Variants in LRSAM1 observed in about 807,000 individuals in gnomAD.
The protein encoded by LRSAM1 is leucine rich repeat and sterile alpha motif containing 1.
A neutral mutation model predicts 118.1 loss-of-function variants in LRSAM1; 96 were observed. The observed-to-expected ratio is 0.81, with a 90% CI of 0.69 to 0.96. The LOEUF is 0.96. Ranked by LOEUF, LRSAM1 falls within the 40% of genes least tolerant of loss-of-function variation. The probability of loss-of-function intolerance (pLI) is 0.00; values close to 1 mark genes in which losing one functional copy is unlikely to be tolerated. For missense variants in LRSAM1, 804 were observed against 915.5 expected, an observed-to-expected ratio of 0.88 and a Z score of 1.57; for synonymous variants, 322 against 364.2, an observed-to-expected ratio of 0.88 and a Z score of 1.32.
intron 9 of LRSAM1, among the ~76,000 whole-genome samples, chr9:127,464,631 G>A (rs1588103645): frequency 6.6e-6 from 1 of 151,602 alleles, no homozygotes; most frequent in East Asian, 1.9e-4. Flanking sequence ...CATCTAGTAT[G>A]AGTTCTGGAC....
intron 18 of LRSAM1, among the ~76,000 whole-genome samples, chr9:127,488,434 G>T (rs1384536828): frequency 6.6e-6 from 1 of 151,938 alleles, no homozygotes; most frequent in South Asian, 2.1e-4. Flanking sequence ...ACTAATTTTT[G>T]TATTTTTAGT....
rs1834322534 is a variant in LRSAM1 at position 127,451,554 on chromosome 9, C to A, written c.-304C>A. The A allele has an allele frequency of 3.5e-6, 2 of 575,358 alleles. No individual in the cohort carries two copies. Among genetic ancestry groups the A allele is most frequent in the Admixed American group, 3.0e-5 (1 of 33,504 alleles). 35.6% of individuals were successfully genotyped at this position (575,358 alleles called of 1,614,324 possible). On this transcript the variant is annotated 5_prime_UTR_variant, in exon 1 of 26. Transcript: ENST00000300417. ...GGCTGACGGCTGGCAAGCAGGGCAC[C>A]GCGGTGCGCTGAAGCTAGAGATTCC...
chr9:127,500,720 T>C (rs1005298364), intron 24 of LRSAM1, among the ~76,000 whole-genome samples: 1 of 152,166 alleles, frequency 6.6e-6, no homozygotes, highest in African/African-American at 2.4e-5. Context: ...ACTTGCAGGG[T>C]GGCTATGAAG....
chr9:127,492,655 C>G, intron 20 of LRSAM1, 147 bp from the exon 21 acceptor site: 1 of 729,246 alleles, frequency 1.4e-6, no homozygotes, highest in Non-Finnish European at 2.4e-6. Context: ...GGCAGAAGGG[C>G]CTCTTAGCTT....
intron 25 of LRSAM1, among the ~76,000 whole-genome samples, chr9:127,502,143 CA>C (rs1402898665): frequency 6.6e-6 from 1 of 152,266 alleles, no homozygotes; most frequent in Non-Finnish European, 1.5e-5. Flanking sequence ...TGCCCTCCGG[CA>C]GGGGCCGGCG....
At chr9:127,492,083 CT>C (rs1835954152) in intron 20 of LRSAM1, among the ~76,000 whole-genome samples, 1 of 152,218 alleles carries the variant, frequency 6.6e-6, no homozygotes, top group Non-Finnish European at 1.5e-5. Flanking sequence ...GGTCTGGGAT[CT>C]GGATCCCTGG....
intron 21 of LRSAM1, among the ~76,000 whole-genome samples, chr9:127,494,438 C>T (rs145344907): frequency 6.6e-6 from 1 of 152,354 alleles, no homozygotes; most frequent in Non-Finnish European, 1.5e-5. Flanking sequence ...TGAACCTCAG[C>T]TCCCTCACCT....
chr9:127,495,498 C>A, intron 22 of LRSAM1, 80 bp downstream of exon 22: 1 of 1,168,452 alleles, frequency 8.6e-7, no homozygotes, highest in Non-Finnish European at 1.3e-6. Flanking sequence ...CTCCACCATG[C>A]TCTGCCTCTT....
intron 21 of LRSAM1, among the ~76,000 whole-genome samples, chr9:127,494,334 A>G (rs140008639): frequency 6.6e-6 from 1 of 152,336 alleles, no homozygotes; most frequent in Non-Finnish European, 1.5e-5. Flanking sequence ...GCCAGCCCTC[A>G]CTGAACAGCT....
At position 127,462,322 on chromosome 9, in the gene LRSAM1, A is replaced by T. The variant is rs765061936; in HGVS notation, c.477A>T (p.Gly159=). 5.0e-6 allele frequency: 8 copies of T among 1,613,968 alleles called. No individual in the cohort carries two copies. The African/African-American group carries it at 9.3e-5, about 19-fold the overall frequency. The change falls in exon 9 of 26, where the codon GGA becomes GGT. Residue 159 remains glycine (G), a synonymous_variant. Coordinates refer to ENST00000300417, the MANE Select transcript of LRSAM1 (RefSeq NM_001005373.4). ...GCCTGCGTACCCTCAACATCAGTGG[A>T]AACGAGATCCAGAGATTGCCGCAGA... ...LRSLRTLNIS[G]NEIQRLPQML... is the part of the protein sequence containing the mutation.
chr9:127,467,780 G>A lies in LRSAM1; in HGVS notation c.569G>A (p.Arg190Gln), dbSNP rs142782210. 1.3e-4 allele frequency: 202 copies of A among 1,610,580 alleles called. 2 individuals are homozygous for A. The highest frequency in any genetic ancestry group is 1.1e-4 in the African/African-American group (8 of 74,938). The stretch of plus-strand genomic sequence containing the variant: ...GCCTCGGCCATGGTCTACCCGCCGC[G>A]GGAGGTGTGTGGTGCCGGCACTGCG... Reference protein sequence around the residue: ...LDASAMVYPPREVCGAGTAAI... With the variant: ...LDASAMVYPPQEVCGAGTAAI... The change falls in exon 10 of 26, where the codon CGG becomes CAG. Residue 190 changes from arginine to glutamine, a missense_variant. Transcript: ENST00000300417.
rs1376353239 is a variant in LRSAM1 at position 127,491,188 on chromosome 9, A to G, written c.1423-27A>G. On this transcript the variant is annotated intron_variant, in intron 19 of 25. Coordinates refer to ENST00000300417, the MANE Select transcript of LRSAM1 (RefSeq NM_001005373.4). ...TGAACTGTGGTTAATGTGAGTAAAA[A>G]AAAACCCTGTCTCGTCTTCTGTTTA... 4 of 1,602,526 alleles carry G rather than the reference A, an allele frequency of 2.5e-6. No homozygotes were observed. In the African/African-American group the frequency reaches 5.4e-5, roughly 21 times the overall value.
intron 20 of LRSAM1, 21 bp from the exon 21 acceptor site, chr9:127,492,781 G>A (rs200195985): frequency 1.6e-5 from 26 of 1,610,882 alleles, no homozygotes; most frequent in Middle Eastern, 1.7e-4. Flanking sequence ...ACGGTGGTGC[G>A]GGGTGTGGTC....
chr9:127,502,522 T>G (rs1437313767), intron 25 of LRSAM1, among the ~76,000 whole-genome samples: 2 of 151,596 alleles, frequency 1.3e-5, no homozygotes, highest in African/African-American at 2.4e-5. Context: ...CCATCTCTAC[T>G]AAAAATACAA....
At chr9:127,460,031 C>T (rs1424511439) in intron 7 of LRSAM1, among the ~76,000 whole-genome samples, 2 of 151,966 alleles carry the variant, frequency 1.3e-5, no homozygotes, top group East Asian at 1.9e-4. Flanking sequence ...GATAGAGTCT[C>T]GCTCTATCAC....
intron 11 of LRSAM1, among the ~76,000 whole-genome samples, chr9:127,475,278 G>A (rs746932979): frequency 3.9e-5 from 6 of 152,030 alleles, no homozygotes; most frequent in Non-Finnish European, 7.4e-5. Flanking sequence ...ATCACTTGAG[G>A]CCAGGAGTTT....
At position 127,501,033 on chromosome 9, in the gene LRSAM1, G is replaced by T. The variant is rs748358043; in HGVS notation, c.1936G>T (p.Val646Phe). The change falls in exon 25 of 26, where the codon GTC becomes TTC. Residue 646 changes from valine to phenylalanine, a missense_variant. Val to Phe is a conservative substitution (Grantham distance 50). Coordinates refer to ENST00000300417, the MANE Select transcript of LRSAM1 (RefSeq NM_001005373.4). ...AGAGCTGAAACCACCAATGGGTGAG[G>T]TCGTCACCCCTACGGCCCCCCAGGA... ...QPELKPPMGE[V>F]VTPTAPQEPP... 1.2e-6 allele frequency: 2 copies of T among 1,613,998 alleles called. No homozygotes were observed. Among genetic ancestry groups the T allele is most frequent in the Non-Finnish European group, 1.7e-6 (2 of 1,180,028 alleles).
Position 127,459,021 on chromosome 9 carries a change from A to C in LRSAM1, c.271A>C (p.Asn91His). Residue 91 changes from asparagine (N) to histidine (H), a missense_variant, in exon 7 of 26, where the codon AAT becomes CAT. Coordinates refer to ENST00000300417, the MANE Select transcript of LRSAM1 (RefSeq NM_001005373.4). Reference protein sequence around the residue: ...ATIKVLDLHDNQLTALPDDLG... With the variant: ...ATIKVLDLHDHQLTALPDDLG... ...TCTGCAGGTTCTAGATCTCCACGATAATCAGCTGACAGCCCTTCCTGACGA... is the reference window on the plus strand; with the variant it reads ...TCTGCAGGTTCTAGATCTCCACGATCATCAGCTGACAGCCCTTCCTGACGA... The C allele has an allele frequency of 6.2e-7, 1 of 1,613,792 alleles. No individual in the cohort carries two copies. The highest frequency in any genetic ancestry group is 8.5e-7 in the Non-Finnish European group (1 of 1,180,000).
At chr9:127,502,248 AT>A (rs1564287455) in intron 25 of LRSAM1, among the ~76,000 whole-genome samples, 1 of 152,198 alleles carries the variant, frequency 6.6e-6, no homozygotes, top group Non-Finnish European at 1.5e-5. Context: ...GGGTATTTAT[AT>A]TTTTTACAAA....
Sources: allele counts gnomAD v4.1 joint callset (sites outside exome capture counted in the v4.1 genomes callset), GRCh38; gene constraint gnomAD v4.1.1; transcripts MANE v1.5; gene names NCBI Gene and HGNC (gene_info 2026-07-23, HGNC 2026-07-21).